The following SMARCC1 variants were observed in gnomAD, a reference collection of about 807,000 sequenced individuals.
The protein encoded by SMARCC1 is SWI/SNF complex subunit SMARCC1.
SMARCC1 carries 43 observed loss-of-function variants against 147.4 expected under a neutral mutation model. The observed-to-expected ratio is 0.29, with a 90% CI of 0.23 to 0.38. SMARCC1 has a LOEUF of 0.38. Ranked by LOEUF, SMARCC1 falls within the 10% of genes least tolerant of loss-of-function variation. SMARCC1 has a pLI of 1.00. For synonymous variants in SMARCC1, 495 were observed against 484.4 expected (o/e 1.02, Z -0.29); for missense variants, 1,119 against 1,381.1 (o/e 0.81, Z 3.01).
chr3:47,658,114 C>T (rs1349799821), intron 21 of SMARCC1, among the ~76,000 whole-genome samples: 1 of 151,974 alleles, frequency 6.6e-6, no homozygotes, highest in African/African-American at 2.4e-5. Context: ...AATTGACAAG[C>T]CTTTATCTTG....
At chr3:47,749,911 T>TAGAGA (rs1431924250) in intron 2 of SMARCC1, among the ~76,000 whole-genome samples, 6 of 150,318 alleles carry the variant, frequency 4.0e-5, no homozygotes, top group Non-Finnish European at 8.9e-5. Context: ...TGAAACCCCG[T>TAGAGA]CTCTACTAAA....
At chr3:47,733,895 G>GTA (rs1164578018) in intron 5 of SMARCC1, among the ~76,000 whole-genome samples, 3 of 146,178 alleles carry the variant, frequency 2.1e-5, no homozygotes, top group African/African-American at 5.1e-5. Flanking sequence ...ATATATACAC[G>GTA]TATATATATA....
intron 24 of SMARCC1, among the ~76,000 whole-genome samples, chr3:47,633,789 CACACACACACACACACACA>C: frequency 7.0e-5 from 2 of 28,410 alleles, no homozygotes; most frequent in Non-Finnish European, 1.3e-4. Flanking sequence ...TACACACACA[CACACACACACACACACACA>C]CACACACACA....
At chr3:47,748,532 T>C (rs1000727157) in intron 2 of SMARCC1, among the ~76,000 whole-genome samples, 17 of 246 alleles carry the variant, frequency 0.069, no homozygotes, top group African/African-American at 0.18. Flanking sequence ...CCTATTATAA[T>C]ATTTAATGAC....
At chr3:47,675,957 AAAG>A (rs2033567353) in intron 17 of SMARCC1, among the ~76,000 whole-genome samples, 1 of 152,094 alleles carries the variant, frequency 6.6e-6, no homozygotes, top group Non-Finnish European at 1.5e-5. Flanking sequence ...AAAAAAAAAA[AAAG>A]TTTAATATTG....
At chr3:47,706,346 A>AT (rs2033994081) in intron 10 of SMARCC1, 63 bp downstream of exon 10, 2 of 1,410,448 alleles carry the variant, frequency 1.4e-6, no homozygotes, top group South Asian at 3.5e-5. Flanking sequence ...TGCTGGGATT[A>AT]TAAGTGTAAG....
chr3:47,720,906 A>C (rs962212150), intron 6 of SMARCC1, among the ~76,000 whole-genome samples, 171 bp from the exon 7 acceptor site: 1 of 152,200 alleles, frequency 6.6e-6, no homozygotes, highest in Non-Finnish European at 1.5e-5. Flanking sequence ...ACTATCTACC[A>C]GATTAAAGGG....
At chr3:47,757,703 G>C (rs1376302661) in intron 2 of SMARCC1, among the ~76,000 whole-genome samples, 2 of 150,288 alleles carry the variant, frequency 1.3e-5, no homozygotes, top group Admixed American at 1.3e-4. Context: ...AAAACGGCAT[G>C]AAACAGGGAG....
At chr3:47,690,895 T>A (rs1324020684) in intron 12 of SMARCC1, among the ~76,000 whole-genome samples, 1 of 152,206 alleles carries the variant, frequency 6.6e-6, no homozygotes, top group African/African-American at 2.4e-5. Flanking sequence ...GTGACTATTT[T>A]TATGTAGGAA....
chr3:47,775,549 G>T (rs1290473335), intron 1 of SMARCC1, among the ~76,000 whole-genome samples: 2 of 149,068 alleles, frequency 1.3e-5, no homozygotes, highest in East Asian at 4.2e-4. Flanking sequence ...CGAGGCGGGC[G>T]AATCACGAGG....
intron 2 of SMARCC1, among the ~76,000 whole-genome samples, chr3:47,759,348 C>T (rs1042945928): frequency 1.4e-4 from 21 of 150,986 alleles, no homozygotes; most frequent in Admixed American, 9.9e-4. Flanking sequence ...TTAGGCTGGG[C>T]GTGGTGGCTC....
At chr3:47,618,179 G>C (rs2032673380) in intron 25 of SMARCC1, among the ~76,000 whole-genome samples, 1 of 151,818 alleles carries the variant, frequency 6.6e-6, no homozygotes, top group South Asian at 2.1e-4. Flanking sequence ...AACATTTTCA[G>C]CTGTGTTGTT....
At chr3:47,703,222 T>G (rs1326506579) in intron 10 of SMARCC1, among the ~76,000 whole-genome samples, 1 of 152,082 alleles carries the variant, frequency 6.6e-6, no homozygotes, top group Non-Finnish European at 1.5e-5. Context: ...GCATGGGCCA[T>G]CACGCCCGGC....
Position 47,706,418 on chromosome 3 carries a change from C to T in SMARCC1, c.1031G>A (p.Gly344Glu). Residue 344 changes from glycine to glutamate, a missense_variant, in exon 10 of 28, where the codon GGG (glycine) becomes GAG (glutamate). Around this residue, in one of 6 missense-constraint regions of SMARCC1, gnomAD observed 542 missense variants for 611.8 expected, o/e 0.89. Coordinates refer to ENST00000254480, the MANE Select transcript of SMARCC1 (RefSeq NM_003074.4). ...PTPTESRKKS[G>E]KKGQASLYGK... ...ATGTAATAGTTCTTACCCTTTCTTCCCACTCTTCTTCCGTGATTCTGTTGG... is the reference window on the plus strand; with the variant it reads ...ATGTAATAGTTCTTACCCTTTCTTCTCACTCTTCTTCCGTGATTCTGTTGG... 1 of 1,568,164 alleles carries T rather than the reference C, an allele frequency of 6.4e-7. No individual in the cohort carries two copies. Among genetic ancestry groups the T allele is most frequent in the Non-Finnish European group, 8.6e-7 (1 of 1,162,498 alleles).
At chr3:47,676,893 A>G in intron 16 of SMARCC1, 111 bp from the exon 17 acceptor site, 1 of 881,042 alleles carries the variant, frequency 1.1e-6, no homozygotes. Context: ...AAATGTGCTC[A>G]GCAGGCTGTC....
At chr3:47,770,969 G>A (rs1377494556) in intron 2 of SMARCC1, among the ~76,000 whole-genome samples, 1 of 152,104 alleles carries the variant, frequency 6.6e-6, no homozygotes, top group Non-Finnish European at 1.5e-5. Context: ...CGGAGGCAGT[G>A]GCGCAATCTC....
intron 4 of SMARCC1, among the ~76,000 whole-genome samples, chr3:47,736,673 T>A (rs757443521): frequency 1.3e-5 from 2 of 151,294 alleles, no homozygotes; most frequent in Non-Finnish European, 2.9e-5. Context: ...TGAGATTCCA[T>A]CTCAAAAAAT....
At chr3:47,649,024 G>A (rs899699413) in intron 21 of SMARCC1, among the ~76,000 whole-genome samples, 7 of 152,168 alleles carry the variant, frequency 4.6e-5, no homozygotes, top group Admixed American at 3.9e-4. Context: ...GGAAAGTCAC[G>A]TAAACCCTAG....
chr3:47,742,969 T>C (rs1175606689), intron 3 of SMARCC1, among the ~76,000 whole-genome samples: 3 of 152,334 alleles, frequency 2.0e-5, no homozygotes, highest in African/African-American at 7.2e-5. Context: ...TGCATGACAT[T>C]AGAGCTTCGT....
Sources: gnomAD v4.1 joint callset for allele counts (sites outside exome capture counted in the v4.1 genomes callset) on GRCh38, gnomAD v4.1.1 for gene constraint, gnomAD v4.1.1 regional missense constraint, MANE v1.5 for transcripts, NCBI Gene and HGNC (gene_info 2026-07-23, HGNC 2026-07-21) for gene names.